Variants in WIPF1 observed in about 807,000 individuals in gnomAD.
WIPF1 encodes WAS/WASL interacting protein family member 1.
WIPF1 carries 13 observed loss-of-function variants against 35.4 expected under a neutral mutation model. The ratio of observed to expected loss-of-function variants is 0.37; its 90% CI spans 0.24 to 0.58. The LOEUF (loss-of-function observed/expected upper bound fraction) is 0.58. Among genes scored for constraint, WIPF1 ranks in the 20% least tolerant of loss-of-function variants. The pLI, the probability that WIPF1 is intolerant of heterozygous loss-of-function variation, is 0.74. For missense variants in WIPF1, 591 were observed against 667.0 expected (o/e 0.89, Z 1.25); for synonymous variants, 267 against 266.3 (o/e 1.00, Z -0.02).
intron 1 of WIPF1, among the ~76,000 whole-genome samples, chr2:174,589,429 T>C (rs544332969): frequency 6.6e-6 from 1 of 152,150 alleles, no homozygotes; most frequent in Non-Finnish European, 1.5e-5. Context: ...GCCTCCAACT[T>C]CCCCAGAGAA....
chr2:174,583,115 C>T (rs967879820), intron 2 of WIPF1, among the ~76,000 whole-genome samples: 5 of 152,198 alleles, frequency 3.3e-5, no homozygotes, highest in African/African-American at 9.7e-5. Flanking sequence ...TGCCCCTCCC[C>T]ATCCAGCCCC....
intron 7 of WIPF1, chr2:174,566,431 G>A (rs781291547): frequency 6.6e-6 from 1 of 152,080 alleles, no homozygotes; most frequent in African/African-American, 2.4e-5. Context: ...CATGGTAATG[G>A]TAAATTACTA....
intron 6 of WIPF1, 22 bp downstream of exon 6, chr2:174,567,839 G>C: frequency 6.5e-7 from 1 of 1,539,750 alleles, no homozygotes; most frequent in Non-Finnish European, 8.7e-7. Flanking sequence ...CTATAGCCCA[G>C]GGAGCTGGGA....
At chr2:174,680,237 G>A (rs952384077) in intron 1 of WIPF1, among the ~76,000 whole-genome samples, 5 of 152,232 alleles carry the variant, frequency 3.3e-5, no homozygotes, top group South Asian at 2.1e-4. Flanking sequence ...CTAGCACAGA[G>A]GATAGCTATA....
At position 174,560,595 on chromosome 2, in the gene WIPF1, A is replaced by G. The variant is rs1425360955; in HGVS notation, c.*1952T>C. 6.6e-6 allele frequency: 1 copy of G among 152,646 alleles called. No homozygotes were observed. Among genetic ancestry groups the G allele is most frequent in the African/African-American group, 2.4e-5 (1 of 41,460 alleles). 9.5% of individuals were successfully genotyped at this position (152,646 alleles called of 1,614,324 possible). ...TAAAAAAATTTTTTTTTAAAAAGCC[A>G]ACACTTTGCCAAGCTTGTTATACCT... On this transcript the variant is annotated 3_prime_UTR_variant, in exon 8 of 8. Coordinates refer to ENST00000679041, the MANE Select transcript of WIPF1 (RefSeq NM_001375834.1).
intron 1 of WIPF1, among the ~76,000 whole-genome samples, chr2:174,662,764 A>C (rs1039734344): frequency 3.3e-5 from 5 of 152,194 alleles, no homozygotes; most frequent in Non-Finnish European, 7.3e-5. Flanking sequence ...CAAAACAAAT[A>C]AAGAATGTGG....
At chr2:174,648,311 A>G (rs1019744574) in intron 1 of WIPF1, among the ~76,000 whole-genome samples, 9 of 152,230 alleles carry the variant, frequency 5.9e-5, no homozygotes, top group Admixed American at 5.9e-4. Flanking sequence ...TTACTAAATT[A>G]CTATCGCATA....
At chr2:174,582,554 AT>A (rs946323472) in intron 2 of WIPF1, among the ~76,000 whole-genome samples, 1 of 151,606 alleles carries the variant, frequency 6.6e-6, no homozygotes. Context: ...TTAAAAAACA[AT>A]TTTTTTTTAG....
intron 2 of WIPF1, 117 bp from the exon 3 acceptor site, chr2:174,581,556 T>C (rs1422432979): frequency 5.1e-6 from 7 of 1,360,212 alleles, no homozygotes; most frequent in African/African-American, 4.4e-5. Flanking sequence ...TGGTGATAGG[T>C]TGTAAATTCT....
intron 5 of WIPF1, 105 bp from the exon 6 acceptor site, chr2:174,568,178 T>A: frequency 7.8e-7 from 1 of 1,286,130 alleles, no homozygotes; most frequent in Non-Finnish European, 1.0e-6. Context: ...ACATGCCCTT[T>A]AATTAGGGTG....
chr2:174,628,150 CA>C (rs1052677860), intron 1 of WIPF1, among the ~76,000 whole-genome samples: 9 of 151,970 alleles, frequency 5.9e-5, no homozygotes, highest in East Asian at 1.9e-4. Context: ...CCGGAATCTA[CA>C]AAAAAATGCC....
At chr2:174,645,326 A>T (rs963646718) in intron 1 of WIPF1, among the ~76,000 whole-genome samples, 3 of 152,208 alleles carry the variant, frequency 2.0e-5, no homozygotes, top group African/African-American at 4.8e-5. Flanking sequence ...CCCGTTTCTG[A>T]CTATAAGTCA....
chr2:174,591,475 G>A (rs1391127698), intron 1 of WIPF1, among the ~76,000 whole-genome samples: 1 of 152,148 alleles, frequency 6.6e-6, no homozygotes, highest in Non-Finnish European at 1.5e-5. Context: ...GAGTATGTAA[G>A]TGACTGCCAA....
At chr2:174,648,840 A>C (rs1314182922) in intron 1 of WIPF1, among the ~76,000 whole-genome samples, 3 of 152,240 alleles carry the variant, frequency 2.0e-5, no homozygotes, top group Non-Finnish European at 4.4e-5. Context: ...AAAAACAAAC[A>C]AAGCAAAGCA....
In WIPF1 at chr2:174,638,271, T is replaced by A. The variant is rs1208956631; in HGVS notation, c.-39+44503A>T. 2.6e-5 allele frequency among the ~76,000 whole-genome samples: 4 copies of A among 152,228 alleles called. No homozygotes were observed. The South Asian group carries it at 8.3e-4, about 31-fold the overall frequency. Reference sequence around the variant, plus strand: ...GGGGAGTCTATTTAATTTTATTTTTTAAATTGACATTGTAACTGTACACAT... The same window carrying A: ...GGGGAGTCTATTTAATTTTATTTTTAAAATTGACATTGTAACTGTACACAT... On this transcript the variant is annotated intron_variant, in intron 1 of 8. Coordinates refer to the WIPF1 transcript ENST00000272746.
In WIPF1 at chr2:174,561,881, A is replaced by G; in HGVS notation, c.*666T>C. Reference sequence around the variant, plus strand: ...AATACACTCTGGATTTTGAAGATTCAGTACCAAAAAATAATATAAAATATC... The same window carrying G: ...AATACACTCTGGATTTTGAAGATTCGGTACCAAAAAATAATATAAAATATC... On this transcript the variant is annotated 3_prime_UTR_variant, in exon 8 of 8. Coordinates refer to ENST00000679041, the MANE Select transcript of WIPF1 (RefSeq NM_001375834.1). The G allele has an allele frequency of 1.6e-6, 1 of 614,230 alleles. No homozygotes were observed. Among genetic ancestry groups the G allele is most frequent in the East Asian group, 3.0e-5 (1 of 33,530 alleles). 38.0% of individuals were successfully genotyped at this position (614,230 alleles called of 1,614,324 possible). A position where few individuals can be genotyped will look rare whatever the true frequency, so the allele number is the denominator to read the frequency against.
chr2:174,603,140 A>G (rs1686057426), intron 1 of WIPF1, among the ~76,000 whole-genome samples: 1 of 152,200 alleles, frequency 6.6e-6, no homozygotes, highest in Non-Finnish European at 1.5e-5. Context: ...CTTTGACCAC[A>G]TGGGGTCTAA....
Position 174,651,043 on chromosome 2 carries a change from CT to C in WIPF1, c.-39+31730del, listed in dbSNP as rs552078809. On this transcript the variant is annotated intron_variant, in intron 1 of 8. Coordinates refer to the WIPF1 transcript ENST00000272746. Reference sequence around the variant, plus strand: ...GTGAATGGAAAGAATAAAAAGTTTTCTCCACACAACTTCTCGGAAGAGATCT... The same window carrying C: ...GTGAATGGAAAGAATAAAAAGTTTTCCCACACAACTTCTCGGAAGAGATCT... Among the ~76,000 whole-genome samples, 12 of 152,356 alleles carry C rather than the reference CT, an allele frequency of 7.9e-5. No individual in the cohort carries two copies. The South Asian group carries it at 2.5e-3, about 32-fold the overall frequency.
upstream of WIPF1, among the ~76,000 whole-genome samples, chr2:174,600,591 G>A (rs575985731): frequency 2.0e-5 from 3 of 152,252 alleles, no homozygotes; most frequent in East Asian, 5.8e-4. Flanking sequence ...TCATCTTTTT[G>A]TTCCTTTTTA....
Sources: gnomAD v4.1 joint callset for allele counts (sites outside exome capture counted in the v4.1 genomes callset) on GRCh38, gnomAD v4.1.1 for gene constraint, MANE v1.5 for transcripts, NCBI Gene and HGNC (gene_info 2026-07-23, HGNC 2026-07-21) for gene names.